PCDHA4: variants seen among roughly 807,000 people sequenced by gnomAD.
The protein encoded by PCDHA4 is protocadherin alpha-4.
In PCDHA4, 49 loss-of-function variants were observed where a neutral mutation model predicts 61.4. The ratio of observed to expected loss-of-function variants is 0.80; its 90% CI spans 0.63 to 1.01. The LOEUF is 1.01. PCDHA4 is among the 50% of genes least tolerant of loss of function. PCDHA4 has a pLI of 0.00. For missense variants in PCDHA4, 1,254 were observed against 1,235.8 expected (o/e 1.01, Z -0.22); for synonymous variants, 590 against 550.3 (o/e 1.07, Z -1.01).
intron 1 of PCDHA4, among the ~76,000 whole-genome samples, chr5:140,934,086 G>C (rs540895208): frequency 1.3e-5 from 2 of 151,872 alleles, no homozygotes; most frequent in Admixed American, 1.3e-4. Context: ...TCGCTTTGTT[G>C]TATGTTTGCT....
chr5:140,864,764 T>C (rs1202500851), intron 1 of PCDHA4: 2 of 152,238 alleles, frequency 1.3e-5, no homozygotes, highest in East Asian at 3.8e-4. Context: ...TTTTCTTTCA[T>C]TTTTGGTACC....
At chr5:141,001,522 C>G (rs1554258201) in intron 3 of PCDHA4, among the ~76,000 whole-genome samples, 1 of 152,214 alleles carries the variant, frequency 6.6e-6, no homozygotes, top group African/African-American at 2.4e-5. Context: ...TTCTCCCTCT[C>G]TCTCTGATCC....
At position 140,969,169 on chromosome 5, in the gene PCDHA4, A is replaced by G. The variant is rs201735192; in HGVS notation, c.2386-9780A>G. 2.0e-5 allele frequency: 33 copies of G among 1,614,094 alleles called. No homozygotes were observed. In the Admixed American group the frequency reaches 5.5e-4, roughly 27 times the overall value. On this transcript the variant is annotated intron_variant, in intron 1 of 3. Transcript: ENST00000530339. The stretch of plus-strand genomic sequence containing the variant: ...ACAAGGCCTGTCTGACAGCAGGCTC[A>G]GGGAGTGACACTTTCATGTTTTACA...
At chr5:140,824,094 A>T in intron 1 of PCDHA4, 1 of 1,614,156 alleles carries the variant, frequency 6.2e-7, no homozygotes, top group Non-Finnish European at 8.5e-7. Context: ...CCTTCAGTCC[A>T]AGCCTTCCTC....
intron 1 of PCDHA4, chr5:140,883,260 C>A (rs1554177345): frequency 6.2e-7 from 1 of 1,613,946 alleles, no homozygotes; most frequent in Non-Finnish European, 8.5e-7. Context: ...ATTCCAATGG[C>A]GGGTCATTGT....
chr5:140,858,038 G>A, intron 1 of PCDHA4: 1 of 1,596,684 alleles, frequency 6.3e-7, no homozygotes, highest in East Asian at 2.2e-5. Context: ...CACGGCCACT[G>A]TGCTTGTGTC....
chr5:140,836,378 G>C (rs2150259168), intron 1 of PCDHA4: 13 of 1,613,632 alleles, frequency 8.1e-6, no homozygotes, highest in Non-Finnish European at 1.1e-5. Flanking sequence ...CAGCCACCGT[G>C]CTGGTGTCGC....
intron 1 of PCDHA4, chr5:140,829,711 G>C (rs2150173108): frequency 2.5e-5 from 41 of 1,613,342 alleles, no homozygotes; most frequent in South Asian, 8.8e-5. Context: ...CGCGCGACGC[G>C]GGCGTGCCGC....
intron 1 of PCDHA4, among the ~76,000 whole-genome samples, chr5:140,819,477 A>G (rs1335807902): frequency 6.6e-6 from 1 of 152,148 alleles, no homozygotes; most frequent in Non-Finnish European, 1.5e-5. Context: ...TTACACAATG[A>G]TGCTTAAACA....
At chr5:140,990,073 G>A (rs559119700) in intron 3 of PCDHA4, among the ~76,000 whole-genome samples, 6 of 152,178 alleles carry the variant, frequency 3.9e-5, no homozygotes, top group East Asian at 1.9e-4. Context: ...AAATAAGGGG[G>A]ACAAAGGATG....
rs781886107 is a variant in PCDHA4 at position 140,870,037 on chromosome 5, A to G, written c.2385+60465A>G. 6.2e-7 allele frequency: 1 copy of G among 1,613,778 alleles called. No individual in the cohort carries two copies. The highest frequency in any genetic ancestry group is 1.7e-5 in the Admixed American group (1 of 60,026). On this transcript the variant is annotated intron_variant, in intron 1 of 3. Coordinates refer to ENST00000530339, the MANE Select transcript of PCDHA4 (RefSeq NM_018907.4). ...CAATGGAACTTTAGATTATGAAGAA[A>G]ACAAGTTTTATAAAATTGAAGTACA... is the stretch of plus-strand genomic sequence containing the variant.
At chr5:140,967,555 C>G (rs782586326) in intron 1 of PCDHA4, 3 of 1,614,008 alleles carry the variant, frequency 1.9e-6, no homozygotes, top group Non-Finnish European at 2.5e-6. Context: ...CCACTTATCG[C>G]GTCCAGCTAC....
At chr5:140,843,153 T>A (rs2150353928) in intron 1 of PCDHA4, 80,196 of 1,595,968 alleles carry the variant, frequency 0.05, 9,743 homozygotes, top group Non-Finnish European at 0.06. Flanking sequence ...TCGTATGAGC[T>A]GCAGCCAGCT....
At chr5:140,856,264 C>A (rs1309055685) in intron 1 of PCDHA4, 7 of 1,598,114 alleles carry the variant, frequency 4.4e-6, no homozygotes, top group South Asian at 3.3e-5. Flanking sequence ...GACACGGGGA[C>A]CTTCTGGAGG....
At chr5:140,982,202 G>A (rs2096970508) in intron 2 of PCDHA4, 2 of 405,606 alleles carry the variant, frequency 4.9e-6, no homozygotes, top group Non-Finnish European at 8.1e-6. Context: ...GTTAGATTTA[G>A]TGAGCGCCAC....
In PCDHA4 at chr5:140,848,285, C is replaced by A. The variant is rs2150408028; in HGVS notation, c.2385+38713C>A. On this transcript the variant is annotated intron_variant, in intron 1 of 3. Coordinates refer to ENST00000530339, the MANE Select transcript of PCDHA4 (RefSeq NM_018907.4). ...TTTATTCATGAAATATGTACTTACA[C>A]TTTGGGCCACGTGATGTCACTCTTT... 1.5e-5 allele frequency: 9 copies of A among 616,904 alleles called. 3 individuals are homozygous for A. The highest frequency in any genetic ancestry group is 2.6e-5 in the Non-Finnish European group (9 of 351,312). 38.2% of individuals were successfully genotyped at this position (616,904 alleles called of 1,614,324 possible).
intron 3 of PCDHA4, among the ~76,000 whole-genome samples, chr5:140,992,691 G>A (rs373170347): frequency 9.3e-4 from 142 of 152,244 alleles, no homozygotes; most frequent in Middle Eastern, 3.4e-3. Context: ...GGGTTGAGGG[G>A]TGGGTAATGT....
chr5:140,827,906 A>C, intron 1 of PCDHA4: 1 of 808,566 alleles, frequency 1.2e-6, no homozygotes, highest in Non-Finnish European at 2.0e-6. Context: ...TTGGAGCCGC[A>C]TGATGTCGCT....
intron 1 of PCDHA4, chr5:140,856,255 A>G: frequency 2.5e-6 from 4 of 1,597,974 alleles, no homozygotes; most frequent in Non-Finnish European, 3.4e-6. Flanking sequence ...CGTCCAAAAG[A>G]CACGGGGACC....
Sources: allele counts gnomAD v4.1 joint callset (sites outside exome capture counted in the v4.1 genomes callset), GRCh38; gene constraint gnomAD v4.1.1; transcripts MANE v1.5; gene names NCBI Gene and HGNC (gene_info 2026-07-23, HGNC 2026-07-21).